Variants in ZFHX3 observed in about 807,000 individuals in gnomAD.
ZFHX3 encodes zinc finger homeobox protein 3.
In ZFHX3, 42 loss-of-function variants were observed where a neutral mutation model predicts 279.1. That is an observed-to-expected ratio of 0.15 (90% CI 0.12 to 0.19). The LOEUF (loss-of-function observed/expected upper bound fraction) is 0.19, where lower values mean the gene tolerates loss of function less well. Among genes scored for constraint, ZFHX3 ranks in the 10% least tolerant of loss-of-function variants. The pLI is 1.00. For missense variants in ZFHX3, 4,981 were observed against 4,754.0 expected, an observed-to-expected ratio of 1.05 and a Z score of -1.40; for synonymous variants, 2,293 against 1,957.8, an observed-to-expected ratio of 1.17 and a Z score of -4.52.
chr16:73,739,774 C>T (rs1490925295), intron 1 of ZFHX3, among the ~76,000 whole-genome samples: 2 of 152,170 alleles, frequency 1.3e-5, no homozygotes, highest in Non-Finnish European at 1.5e-5. Context: ...TAGGCTGGTC[C>T]AGGCCGTGAT....
At chr16:73,362,327 G>C (rs2016446770) in intron 3 of ZFHX3, among the ~76,000 whole-genome samples, 1 of 152,142 alleles carries the variant, frequency 6.6e-6, no homozygotes, top group South Asian at 2.1e-4. Flanking sequence ...CTTATCCTGG[G>C]GCAGCCAAGG....
chr16:73,491,800 T>C (rs2019060861), intron 2 of ZFHX3, among the ~76,000 whole-genome samples: 1 of 152,102 alleles, frequency 6.6e-6, no homozygotes, highest in African/African-American at 2.4e-5. Context: ...TGACATCTAG[T>C]AGGTAAAGGC....
At chr16:73,525,479 A>C (rs1265420711) in intron 2 of ZFHX3, among the ~76,000 whole-genome samples, 1 of 152,176 alleles carries the variant, frequency 6.6e-6, no homozygotes, top group East Asian at 1.9e-4. Flanking sequence ...CTTAAAATTC[A>C]CTTACTTAGT....
rs186813451 is a variant in ZFHX3 at position 73,607,551 on chromosome 16, G to A, written c.-1547+72629C>T. Among the ~76,000 whole-genome samples, 17 of 152,212 alleles carry A rather than the reference G, an allele frequency of 1.1e-4. No homozygotes were observed. In the East Asian group the frequency reaches 3.3e-3, roughly 29 times the overall value. Reference sequence around the variant, plus strand: ...TTCTATAAAATGCGGAAAATACTAGGTATCCCTAATTATCCAACATGATTG... The same window carrying A: ...TTCTATAAAATGCGGAAAATACTAGATATCCCTAATTATCCAACATGATTG... On this transcript the variant is annotated intron_variant, in intron 2 of 17. Coordinates refer to the ZFHX3 transcript ENST00000641206.
chr16:73,413,142 T>C (rs1194906979), intron 3 of ZFHX3, among the ~76,000 whole-genome samples: 1 of 152,050 alleles, frequency 6.6e-6, no homozygotes, highest in Admixed American at 6.5e-5. Context: ...ATTCAGAAAA[T>C]AGCAGGACTA....
At chr16:73,608,950 C>T (rs1025038418) in intron 2 of ZFHX3, 2 of 152,074 alleles carry the variant, frequency 1.3e-5, no homozygotes, top group East Asian at 1.9e-4. Flanking sequence ...TTCTATCTTC[C>T]GTCTATTTTC....
intron 1 of ZFHX3, among the ~76,000 whole-genome samples, chr16:73,777,063 A>G (rs560989667): frequency 6.6e-6 from 1 of 152,292 alleles, no homozygotes; most frequent in East Asian, 1.9e-4. Context: ...ACAAGCTAGC[A>G]TCACCACGCT....
chr16:72,806,325 G>C (rs999893535), intron 7 of ZFHX3, among the ~76,000 whole-genome samples: 1 of 152,218 alleles, frequency 6.6e-6, no homozygotes, highest in Non-Finnish European at 1.5e-5. Context: ...TGAAAAGGTA[G>C]ATGGGAGAAC....
intron 9 of ZFHX3, among the ~76,000 whole-genome samples, chr16:72,792,104 T>C (rs934118608): frequency 6.6e-6 from 1 of 152,116 alleles, no homozygotes. Context: ...AAGGTCCAAT[T>C]TAGCAAAGAT....
chr16:73,557,990 C>T (rs933442238), intron 2 of ZFHX3, among the ~76,000 whole-genome samples: 1 of 152,176 alleles, frequency 6.6e-6, no homozygotes, highest in Non-Finnish European at 1.5e-5. Flanking sequence ...GCAATTATAC[C>T]TCAGAAAACC....
At chr16:73,423,523 A>AGG (rs2017756409) in intron 3 of ZFHX3, among the ~76,000 whole-genome samples, 1 of 152,170 alleles carries the variant, frequency 6.6e-6, no homozygotes, top group Admixed American at 6.5e-5. Flanking sequence ...TCCCAATGGA[A>AGG]GGAAAGCCTG....
chr16:72,968,115 G>A (rs974692929), intron 1 of ZFHX3, among the ~76,000 whole-genome samples: 2 of 151,864 alleles, frequency 1.3e-5, no homozygotes, highest in African/African-American at 4.8e-5. Context: ...GCAAACAGAC[G>A]TCATGTGCCT....
At chr16:73,640,375 G>A (rs564168887) in intron 2 of ZFHX3, among the ~76,000 whole-genome samples, 63 of 152,132 alleles carry the variant, frequency 4.1e-4, no homozygotes, top group African/African-American at 1.4e-3. Flanking sequence ...GTCAAATAAC[G>A]GAAGATATTT....
Position 73,438,299 on chromosome 16 carries a change from A to C in ZFHX3, c.-1291+17704T>G, listed in dbSNP as rs1200298508. Among the ~76,000 whole-genome samples the C allele has an allele frequency of 2.0e-5, 3 of 152,246 alleles. No individual in the cohort carries two copies. The East Asian group carries it at 5.8e-4, about 29-fold the overall frequency. On this transcript the variant is annotated intron_variant, in intron 3 of 17. Coordinates refer to the ZFHX3 transcript ENST00000641206. The stretch of plus-strand genomic sequence containing the variant: ...TAACAGCAAATGGAGGAAAACAAAA[A>C]TGGGCTCTTCCCTGGTAGAGATGTT...
intron 3 of ZFHX3, among the ~76,000 whole-genome samples, chr16:73,397,285 C>A (rs1862763): frequency 0.62 from 94,905 of 152,018 alleles, 30,512 homozygotes; most frequent in Non-Finnish European, 0.72. Context: ...AGGCAGACAG[C>A]AAAACAAATG....
chr16:72,970,893 TTA>T (rs1597035865), intron 1 of ZFHX3, among the ~76,000 whole-genome samples: 2 of 152,302 alleles, frequency 1.3e-5, no homozygotes, highest in East Asian at 3.9e-4. Flanking sequence ...GATGTCAAAT[TTA>T]TGTTAAATCA....
At chr16:73,036,118 G>A (rs1266922066) in intron 1 of ZFHX3, among the ~76,000 whole-genome samples, 1 of 152,132 alleles carries the variant, frequency 6.6e-6, no homozygotes, top group East Asian at 1.9e-4. Flanking sequence ...CAGCACACGC[G>A]TGCGCGCGCA....
chr16:73,264,945 C>CAT (rs371162366), intron 4 of ZFHX3, among the ~76,000 whole-genome samples: 2,648 of 149,500 alleles, frequency 0.018, 60 homozygotes, highest in African/African-American at 0.051. Context: ...TTCCATTTTA[C>CAT]ATATATATAT....
intron 5 of ZFHX3, among the ~76,000 whole-genome samples, chr16:73,180,157 C>T (rs1354569330): frequency 2.6e-5 from 4 of 152,200 alleles, no homozygotes; most frequent in Admixed American, 6.5e-5. Context: ...TTTGGCCAGT[C>T]GTTCCTGTTT....
Sources: allele counts gnomAD v4.1 joint callset (sites outside exome capture counted in the v4.1 genomes callset), GRCh38; gene constraint gnomAD v4.1.1; transcripts MANE v1.5; gene names NCBI Gene and HGNC (gene_info 2026-07-23, HGNC 2026-07-21).